Variants in ZNF326 observed in about 807,000 individuals in gnomAD.
ZNF326 encodes the protein DBIRD complex subunit ZNF326.
In ZNF326, 30 loss-of-function variants were observed where a neutral mutation model predicts 63.1. That is an observed-to-expected ratio of 0.48 (90% confidence interval 0.36 to 0.64). The LOEUF (loss-of-function observed/expected upper bound fraction) is 0.64, where lower values mean the gene tolerates loss of function less well. ZNF326 is among the 30% of genes least tolerant of loss of function. The pLI is 0.00. For synonymous variants in ZNF326, 194 were observed against 228.2 expected (o/e 0.85, Z 1.35); for missense variants, 609 against 720.3 (o/e 0.85, Z 1.77).
rs1234277990 is a variant in ZNF326 at position 90,030,937 on chromosome 1, C to G, written c.*3236C>G. On this transcript the variant is annotated 3_prime_UTR_variant, in exon 12 of 12. Coordinates refer to ENST00000340281, the MANE Select transcript of ZNF326 (RefSeq NM_182976.4). ...TCAGCTTCCCAAAGTGCTAGAATTACAGGCATGAGCCACCACGCCTATCCT... is the reference window on the plus strand; with the variant it reads ...TCAGCTTCCCAAAGTGCTAGAATTAGAGGCATGAGCCACCACGCCTATCCT... 6.6e-6 allele frequency: 1 copy of G among 152,250 alleles called. No homozygotes were observed. Among genetic ancestry groups the G allele is most frequent in the Non-Finnish European group, 1.5e-5 (1 of 68,096 alleles). The allele number at this position is 152,250 out of a possible 1,614,324, so 9.4% of individuals were successfully genotyped here.
At position 90,013,208 on chromosome 1, in the gene ZNF326, A is replaced by G. The variant is rs1649338576; in HGVS notation, c.897A>G (p.Lys299=). Residue 299 remains lysine (K), a synonymous_variant, in exon 7 of 12, where the codon AAA becomes AAG. Transcript: ENST00000340281. The stretch of plus-strand genomic sequence containing the variant: ...AGAAACAAAGGCGCAGAAGAGAAAA[A>G]AACAGTGAGAAATACGGAGATGGAT... The part of the protein sequence containing the change: ...RREKQRRRRE[K]NSEKYGDGYR... 6.2e-7 allele frequency: 1 copy of G among 1,609,912 alleles called. No individual in the cohort carries two copies. Among genetic ancestry groups the G allele is most frequent in the Non-Finnish European group, 8.5e-7 (1 of 1,177,994 alleles).
chr1:89,998,467 A>ATTTGGTATT (rs1648511478), intron 2 of ZNF326, among the ~76,000 whole-genome samples: 1 of 152,136 alleles, frequency 6.6e-6, no homozygotes, highest in South Asian at 2.1e-4. Flanking sequence ...TGGTTGAATT[A>ATTTGGTATT]GAGGCTTTGG....
chr1:90,002,691 G>A (rs1648744920), intron 2 of ZNF326, among the ~76,000 whole-genome samples: 1 of 152,076 alleles, frequency 6.6e-6, no homozygotes, highest in Non-Finnish European at 1.5e-5. Flanking sequence ...GAATTGAAGT[G>A]CTCTGTAAGT....
In ZNF326 at chr1:90,027,447, G is replaced by C; in HGVS notation, c.1495G>C (p.Glu499Gln). Residue 499 changes from glutamate (E) to glutamine (Q), a missense_variant, in exon 12 of 12, where the codon GAA (glutamate) becomes CAA (glutamine). Glu to Gln is a conservative substitution (Grantham distance 29). Coordinates refer to ENST00000340281, the MANE Select transcript of ZNF326 (RefSeq NM_182976.4). Reference protein sequence around the residue: ...DEEKIDEPIEEEEDEDEEEEA... With the variant: ...DEEKIDEPIEQEEDEDEEEEA... ...AGAGAAGATTGATGAACCTATTGAAGAAGAGGAGGATGAAGATGAGGAAGA... is the reference window on the plus strand; with the variant it reads ...AGAGAAGATTGATGAACCTATTGAACAAGAGGAGGATGAAGATGAGGAAGA... 1.2e-6 allele frequency: 2 copies of C among 1,613,564 alleles called. No individual in the cohort carries two copies. The highest frequency in any genetic ancestry group is 1.7e-6 in the Non-Finnish European group (2 of 1,179,632).
chr1:90,015,448 G>A (rs1350446285), intron 7 of ZNF326, among the ~76,000 whole-genome samples: 3 of 152,226 alleles, frequency 2.0e-5, no homozygotes, highest in Non-Finnish European at 2.9e-5. Flanking sequence ...GGGAGGCCAA[G>A]GCAGGCGGAT....
chr1:90,024,520 C>G (rs1348847906), intron 11 of ZNF326, among the ~76,000 whole-genome samples: 2 of 152,142 alleles, frequency 1.3e-5, no homozygotes, highest in African/African-American at 2.4e-5. Context: ...TATTAACTAC[C>G]AGTGTAATGT....
chr1:90,020,272 T>C (rs1649704832), intron 9 of ZNF326, among the ~76,000 whole-genome samples: 1 of 152,058 alleles, frequency 6.6e-6, no homozygotes, highest in Non-Finnish European at 1.5e-5. Flanking sequence ...ATCTTTAGTC[T>C]CTTCTTCTCT....
Position 90,007,640 on chromosome 1 carries a change from C to G in ZNF326, c.505C>G (p.Pro169Ala), listed in dbSNP as rs888435221. 9.0e-6 allele frequency: 14 copies of G among 1,558,388 alleles called. No homozygotes were observed. Among genetic ancestry groups the G allele is most frequent in the South Asian group, 8.4e-5 (7 of 83,134 alleles). Residue 169 changes from proline to alanine, a missense_variant, in exon 5 of 12, where the codon CCT (proline) becomes GCT (alanine). Coordinates refer to ENST00000340281, the MANE Select transcript of ZNF326 (RefSeq NM_182976.4). This position sits in a 1 kb window ranked among gnomAD's most constrained non-coding sequence, Gnocchi z 4.9. ...SFSSPHMKPA[P>A]VGSRGRGTPA... ...TTCTTCACCCCATATGAAGCCTGCA[C>G]CTGTAGGCTCTCGGGGGAGAGGAAC...
At position 90,031,820 on chromosome 1, in the gene ZNF326, A is replaced by G. The variant is rs1364502816; in HGVS notation, c.*4119A>G. On this transcript the variant is annotated 3_prime_UTR_variant, in exon 12 of 12. Transcript: ENST00000340281. ...AGTGATCTGCCTGCCTTGGCCTCCC[A>G]AAGTGCTGGGATTATAGGCATGAGC... The G allele has an allele frequency of 6.6e-6, 1 of 152,222 alleles. No individual in the cohort carries two copies. The highest frequency in any genetic ancestry group is 1.5e-5 in the Non-Finnish European group (1 of 68,090). The allele number at this position is 152,222 out of a possible 1,614,324, so 9.4% of individuals were successfully genotyped here. A position where few individuals can be genotyped will look rare whatever the true frequency, so the allele number is the denominator to read the frequency against.
At chr1:90,014,388 G>A (rs570942264) in intron 7 of ZNF326, among the ~76,000 whole-genome samples, 5 of 151,992 alleles carry the variant, frequency 3.3e-5, no homozygotes, top group Non-Finnish European at 7.4e-5. Context: ...AGAAAACTAA[G>A]CTGTTTAATA....
At chr1:90,016,025 G>A (rs1649487186) in intron 7 of ZNF326, among the ~76,000 whole-genome samples, 1 of 152,128 alleles carries the variant, frequency 6.6e-6, no homozygotes, top group Admixed American at 6.5e-5. Context: ...TTTTGTCTTT[G>A]TTTTTGGAGC....
At chr1:90,009,379 CAAGAG>C (rs1255386826) in intron 5 of ZNF326, among the ~76,000 whole-genome samples, 1 of 152,052 alleles carries the variant, frequency 6.6e-6, no homozygotes, top group African/African-American at 2.4e-5. Context: ...TGGATAATGA[CAAGAG>C]AAGAGGAAGG....
intron 7 of ZNF326, 125 bp from the exon 8 acceptor site, chr1:90,017,192 C>A: frequency 1.4e-6 from 1 of 705,260 alleles, no homozygotes; most frequent in Non-Finnish European, 2.2e-6. Context: ...AAGTTTAATT[C>A]AGTCATAAAG....
At position 90,018,662 on chromosome 1, in the gene ZNF326, ATTCT is replaced by A. The variant is rs1436108278; in HGVS notation, c.1075-18_1075-15del. On this transcript the variant is annotated intron_variant, in intron 8 of 11. Transcript: ENST00000340281. ...TGAGTGCTCATTGAAAGCTATTTAGATTCTTTCTATTTTGTTTTCTAGGAGTGTA... is the reference window on the plus strand; with the variant it reads ...TGAGTGCTCATTGAAAGCTATTTAGATTCTATTTTGTTTTCTAGGAGTGTA... The A allele has an allele frequency of 2.0e-5, 28 of 1,423,822 alleles. No individual in the cohort carries two copies. The highest frequency in any genetic ancestry group is 2.7e-5 in the Non-Finnish European group (28 of 1,031,050). The allele number at this position is 1,423,822 out of a possible 1,614,324, so 88.2% of individuals were successfully genotyped here.
At chr1:89,995,713 C>T (rs1446176817) in intron 1 of ZNF326, among the ~76,000 whole-genome samples, 1 of 152,242 alleles carries the variant, frequency 6.6e-6, no homozygotes, top group Non-Finnish European at 1.5e-5. Flanking sequence ...TACTTCTTGC[C>T]AGATAGAATT....
chr1:90,005,388 A>G (rs1648937669), intron 4 of ZNF326, 144 bp downstream of exon 4: 10 of 1,394,614 alleles, frequency 7.2e-6, no homozygotes, highest in Admixed American at 3.4e-5. Context: ...AAAGGTGTTA[A>G]TTAATGGGTA....
At position 90,033,794 on chromosome 1, in the gene ZNF326, A is replaced by G. The variant is rs1397237640; in HGVS notation, c.*6093A>G. On this transcript the variant is annotated 3_prime_UTR_variant, in exon 12 of 12. Transcript: ENST00000340281. Reference sequence around the variant, plus strand: ...ATTAAACTTCATGAGATTAAGAGCCATATGTATAGAGAATTCACCATTGAA... The same window carrying G: ...ATTAAACTTCATGAGATTAAGAGCCGTATGTATAGAGAATTCACCATTGAA... The G allele has an allele frequency of 6.6e-6, 1 of 152,174 alleles. No individual in the cohort carries two copies. Among genetic ancestry groups the G allele is most frequent in the Non-Finnish European group, 1.5e-5 (1 of 68,014 alleles). The allele number at this position is 152,174 out of a possible 1,614,324, so 9.4% of individuals were successfully genotyped here. A position where few individuals can be genotyped will look rare whatever the true frequency, so the allele number is the denominator to read the frequency against.
At chr1:90,027,058 T>C (rs1650044075) in intron 11 of ZNF326, among the ~76,000 whole-genome samples, 1 of 106,196 alleles carries the variant, frequency 9.4e-6, no homozygotes, top group Non-Finnish European at 1.9e-5. Context: ...CTTTGTCATG[T>C]GTATATATGT....
intron 2 of ZNF326, among the ~76,000 whole-genome samples, chr1:90,004,117 T>G (rs1054760335): frequency 6.6e-6 from 1 of 152,174 alleles, no homozygotes; most frequent in East Asian, 1.9e-4. Context: ...GTTTTATTTT[T>G]CATATCAGAG....
Sources: gnomAD v4.1 joint callset for allele counts (sites outside exome capture counted in the v4.1 genomes callset) on GRCh38, gnomAD v4.1.1 for gene constraint, Gnocchi (gnomAD v3.1) non-coding constraint, MANE v1.5 for transcripts, NCBI Gene and HGNC (gene_info 2026-07-23, HGNC 2026-07-21) for gene names.